Variants in ANXA8 observed in about 807,000 individuals in gnomAD.
The protein encoded by ANXA8 is annexin A8, also known as VAC-beta.
A neutral mutation model predicts 26.8 loss-of-function variants in ANXA8; 9 were observed. The observed-to-expected ratio is 0.34, with a 90% CI of 0.20 to 0.59. The LOEUF (loss-of-function observed/expected upper bound fraction) is 0.59, where lower values mean the gene tolerates loss of function less well. Ranked by LOEUF, ANXA8 falls within the 20% of genes least tolerant of loss-of-function variation. The pLI is 0.84. For synonymous variants in ANXA8, 39 were observed against 94.8 expected, an observed-to-expected ratio of 0.41 and a Z score of 3.42; for missense variants, 83 against 238.5, an observed-to-expected ratio of 0.35 and a Z score of 4.29.
chr10:47,632,129 G>T, the ANXA8 span, among the ~76,000 whole-genome samples: 1 of 152,168 alleles, frequency 6.6e-6, no homozygotes. Flanking sequence ...ATTTACATCC[G>T]GGTTAAATTT....
the ANXA8 span, among the ~76,000 whole-genome samples, chr10:47,667,807 G>A: frequency 6.1e-3 from 926 of 151,808 alleles, 3 homozygotes; most frequent in Non-Finnish European, 9.1e-3. Context: ...GTGCGATCTC[G>A]GTTCACTGTA....
chr10:47,576,455 C>CTTTTT, the ANXA8 span, among the ~76,000 whole-genome samples: 1 of 74,170 alleles, frequency 1.3e-5, no homozygotes, highest in Non-Finnish European at 2.9e-5. Flanking sequence ...ACATCCCTAT[C>CTTTTT]TTTTTTTTTT....
At chr10:47,947,986 G>A in the ANXA8 span, among the ~76,000 whole-genome samples, 3,141 of 150,600 alleles carry the variant, frequency 0.021, 110 homozygotes, top group African/African-American at 0.073. Context: ...AGAGTGGAGC[G>A]TCCTTGTAGA....
At chr10:47,952,048 C>T in the ANXA8 span, among the ~76,000 whole-genome samples, 16 of 150,434 alleles carry the variant, frequency 1.1e-4, no homozygotes, top group Non-Finnish European at 2.2e-4. Context: ...TGACAATATG[C>T]AATACTCATT....
chr10:47,649,932 G>A, the ANXA8 span, among the ~76,000 whole-genome samples: 1 of 150,870 alleles, frequency 6.6e-6, no homozygotes, highest in Non-Finnish European at 1.5e-5. Flanking sequence ...ATTGGGGCCA[G>A]GCACAGTGCT....
the ANXA8 span, chr10:47,726,729 T>C: frequency 2.8e-6 from 2 of 722,182 alleles, no homozygotes; most frequent in East Asian, 2.7e-5. Context: ...GTTTTAAGCA[T>C]TAAAATTAAT....
chr10:47,639,209 T>A, the ANXA8 span, among the ~76,000 whole-genome samples: 40 of 147,798 alleles, frequency 2.7e-4, no homozygotes, highest in African/African-American at 9.9e-4. Flanking sequence ...CTCCGCTCAC[T>A]GCAAGCTCCG....
the ANXA8 span, among the ~76,000 whole-genome samples, chr10:47,570,672 C>T: frequency 6.6e-6 from 1 of 150,578 alleles, no homozygotes. Context: ...GTCCCAACTA[C>T]TAAGATGGGA....
the ANXA8 span, among the ~76,000 whole-genome samples, chr10:47,744,077 A>T: frequency 6.7e-6 from 1 of 148,344 alleles, no homozygotes; most frequent in Non-Finnish European, 1.5e-5. Context: ...CGGAGGGGGA[A>T]GGGAGGAAGG....
the ANXA8 span, among the ~76,000 whole-genome samples, chr10:47,555,199 T>C: frequency 6.6e-6 from 1 of 151,682 alleles, no homozygotes; most frequent in Non-Finnish European, 1.5e-5. Context: ...TCTCACCAGC[T>C]CCAGGCAGTT....
At chr10:47,649,441 G>A in the ANXA8 span, among the ~76,000 whole-genome samples, 1 of 151,216 alleles carries the variant, frequency 6.6e-6, no homozygotes, top group East Asian at 1.9e-4. Context: ...ATGGAGTCTT[G>A]CTCTGTTGCC....
chr10:47,705,820 C>A, the ANXA8 span, among the ~76,000 whole-genome samples: 2 of 151,842 alleles, frequency 1.3e-5, no homozygotes, highest in Non-Finnish European at 1.5e-5. Flanking sequence ...AAAGAGTAAA[C>A]CGGGTCATGA....
At chr10:47,929,673 T>C in the ANXA8 span, among the ~76,000 whole-genome samples, 1 of 149,956 alleles carries the variant, frequency 6.7e-6, no homozygotes, top group African/African-American at 2.4e-5. Flanking sequence ...GGGCAAGTCC[T>C]GCTTTTCATT....
At chr10:47,703,242 A>T in the ANXA8 span, among the ~76,000 whole-genome samples, 3 of 151,734 alleles carry the variant, frequency 2.0e-5, no homozygotes, top group African/African-American at 7.3e-5. Flanking sequence ...ATGGAATTCC[A>T]ATTAATAAAT....
the ANXA8 span, among the ~76,000 whole-genome samples, chr10:47,675,831 G>GA: frequency 3.5e-3 from 538 of 151,752 alleles, 1 homozygote; most frequent in African/African-American, 0.012. Context: ...AGATAATTAT[G>GA]AAAAAAATGC....
the ANXA8 span, among the ~76,000 whole-genome samples, chr10:47,533,312 C>T: frequency 2.0e-5 from 3 of 147,750 alleles, no homozygotes; most frequent in South Asian, 6.5e-4. Flanking sequence ...TCCATCACTG[C>T]CCTTTCTGGA....
the ANXA8 span, among the ~76,000 whole-genome samples, chr10:47,650,344 G>A: frequency 6.8e-6 from 1 of 146,570 alleles, no homozygotes; most frequent in African/African-American, 2.5e-5. Flanking sequence ...ACTGCACCTG[G>A]CCAAAATTAA....
chr10:47,470,287 G>A (rs1413389723), intron 11 of ANXA8, among the ~76,000 whole-genome samples: 3 of 150,816 alleles, frequency 2.0e-5, no homozygotes, highest in Admixed American at 1.3e-4. Context: ...ATTTTCTTAA[G>A]TAACAACATT....
the ANXA8 span, among the ~76,000 whole-genome samples, chr10:47,967,289 G>A: frequency 6.6e-6 from 1 of 151,020 alleles, no homozygotes; most frequent in Admixed American, 6.6e-5. Context: ...GCATGTATAG[G>A]CACCCTTATT....
Sources: allele counts gnomAD v4.1 joint callset (sites outside exome capture counted in the v4.1 genomes callset), GRCh38; gene constraint gnomAD v4.1.1; transcripts MANE v1.5; gene names NCBI Gene and HGNC (gene_info 2026-07-23, HGNC 2026-07-21).